The following ENTREP3 variants were observed in gnomAD, a reference collection of about 807,000 sequenced individuals.
ENTREP3 encodes the protein endosomal transmembrane epsin interactor 3, also known as protein ENTREP3.
chr1:155,248,164 G>A, the ENTREP3 span: 1 of 1,614,014 alleles, frequency 6.2e-7, no homozygotes, highest in Non-Finnish European at 8.5e-7. Context: ...CCCCCAGGGA[G>A]TGGGCAGGTG....
the ENTREP3 span, chr1:155,250,708 C>A: frequency 8.7e-6 from 14 of 1,612,970 alleles, no homozygotes; most frequent in Non-Finnish European, 1.1e-5. This position sits in a 1 kb window ranked among gnomAD's most constrained non-coding sequence, Gnocchi z 5.4. Context: ...AGAACGTAGT[C>A]CACGGAGCGC....
the ENTREP3 span, among the ~76,000 whole-genome samples, chr1:155,248,717 C>G: frequency 1.3e-5 from 2 of 151,152 alleles, no homozygotes; most frequent in Non-Finnish European, 2.9e-5. Context: ...AGTACTATCT[C>G]CTTTCTTATT....
chr1:155,255,038 G>T, the ENTREP3 span: 15 of 619,012 alleles, frequency 2.4e-5, no homozygotes, highest in African/African-American at 2.0e-4. The surrounding 1 kb of genome is among the most constrained non-coding windows in gnomAD (Gnocchi z 5.6). Context: ...CGCCAGCTGT[G>T]GGGGGGGCCA....
At chr1:155,252,619 C>A in the ENTREP3 span, 18 of 144,966 alleles carry the variant, frequency 1.2e-4, 1 homozygote, top group African/African-American at 4.6e-4. Flanking sequence ...ATCCTCCTGC[C>A]TTGGCCTCCC....
the ENTREP3 span, chr1:155,253,609 C>G: frequency 6.3e-7 from 1 of 1,595,826 alleles, no homozygotes; most frequent in Non-Finnish European, 8.6e-7. Flanking sequence ...TGCCCTGGCC[C>G]CTGCTCCCTT....
At chr1:155,251,129 C>T in the ENTREP3 span, 14 of 1,612,464 alleles carry the variant, frequency 8.7e-6, no homozygotes, top group South Asian at 2.2e-5. Context: ...CACAGATGCA[C>T]GAGCCATCGT....
At chr1:155,251,049 C>G in the ENTREP3 span, 7 of 1,549,492 alleles carry the variant, frequency 4.5e-6, no homozygotes, top group East Asian at 1.6e-4. Flanking sequence ...CCCCAGCTAT[C>G]CCTGGCAGCC....
chr1:155,252,992 C>T, the ENTREP3 span: 1 of 151,916 alleles, frequency 6.6e-6, no homozygotes, highest in Non-Finnish European at 1.5e-5. Flanking sequence ...ACTGCAAGCT[C>T]TGCCTCCCAG....
At chr1:155,254,931 A>C in the ENTREP3 span, 1 of 1,396,724 alleles carries the variant, frequency 7.2e-7, no homozygotes, top group Non-Finnish European at 9.8e-7. The surrounding 1 kb of genome is among the most constrained non-coding windows in gnomAD (Gnocchi z 4.4). Flanking sequence ...ACTTGGGAGC[A>C]TCTCAGAGGC....
chr1:155,253,890 G>A, the ENTREP3 span: 1 of 1,612,996 alleles, frequency 6.2e-7, no homozygotes, highest in Non-Finnish European at 8.5e-7. Context: ...ATCACAGGTG[G>A]AGTTAGGGGC....
the ENTREP3 span, chr1:155,252,138 T>C: frequency 4.5e-6 from 2 of 439,996 alleles, no homozygotes; most frequent in Non-Finnish European, 7.9e-6. Context: ...CCCACCTCCA[T>C]CCAGAAGCTC....
At chr1:155,252,920 T>C in the ENTREP3 span, 1 of 146,486 alleles carries the variant, frequency 6.8e-6, no homozygotes, top group African/African-American at 2.6e-5. Flanking sequence ...CGTTTGTTTG[T>C]TTTTTGAGAT....
chr1:155,247,556 C>A, the ENTREP3 span: 1 of 712,162 alleles, frequency 1.4e-6, no homozygotes, highest in Non-Finnish European at 2.6e-6. Context: ...AGGGGCATCT[C>A]CCCCACAGTC....
chr1:155,251,623 C>T, the ENTREP3 span: 1 of 1,609,122 alleles, frequency 6.2e-7, no homozygotes, highest in South Asian at 1.1e-5. Flanking sequence ...GGAAGAGGGT[C>T]AATGTAGGAG....
the ENTREP3 span, chr1:155,250,576 A>T: frequency 6.2e-7 from 1 of 1,601,632 alleles, no homozygotes; most frequent in Non-Finnish European, 8.5e-7. The surrounding 1 kb of genome is among the most constrained non-coding windows in gnomAD (Gnocchi z 5.4). Flanking sequence ...GGGGCAGAGC[A>T]GGAATAGGAG....
At chr1:155,248,519 C>A in the ENTREP3 span, 1 of 1,556,812 alleles carries the variant, frequency 6.4e-7, no homozygotes, top group Non-Finnish European at 8.9e-7. Context: ...TGGAAGTGTT[C>A]TGTGGACACG....
the ENTREP3 span, chr1:155,250,771 C>G: frequency 6.2e-7 from 1 of 1,611,562 alleles, no homozygotes; most frequent in South Asian, 1.1e-5. The surrounding 1 kb of genome is among the most constrained non-coding windows in gnomAD (Gnocchi z 5.4). Context: ...CTAGAGCCCC[C>G]AGGGAGGTCA....
the ENTREP3 span, chr1:155,254,762 A>G: frequency 1.2e-6 from 2 of 1,613,984 alleles, no homozygotes; most frequent in Non-Finnish European, 1.7e-6. This position sits in a 1 kb window ranked among gnomAD's most constrained non-coding sequence, Gnocchi z 4.4. Flanking sequence ...CACTTGGACC[A>G]GCCCCAGCGT....
the ENTREP3 span, chr1:155,250,213 C>T: frequency 1.4e-6 from 2 of 1,430,804 alleles, no homozygotes; most frequent in Non-Finnish European, 1.9e-6. This position sits in a 1 kb window ranked among gnomAD's most constrained non-coding sequence, Gnocchi z 5.4. Context: ...GTGGGCATCA[C>T]TGGCCACCTA....
Sources: allele counts gnomAD v4.1 joint callset (sites outside exome capture counted in the v4.1 genomes callset), GRCh38; gene constraint gnomAD v4.1.1; non-coding constraint Gnocchi (gnomAD v3.1); transcripts MANE v1.5; gene names NCBI Gene and HGNC (gene_info 2026-07-23, HGNC 2026-07-21).